USP34: variants seen among roughly 807,000 people sequenced by gnomAD.
USP34 encodes ubiquitin carboxyl-terminal hydrolase 34.
USP34 carries 70 observed loss-of-function variants against 460.3 expected under a neutral mutation model. The observed-to-expected ratio is 0.15, with a 90% CI of 0.13 to 0.19. The LOEUF is 0.19. USP34 is among the 10% of genes least tolerant of loss of function. The probability of loss-of-function intolerance (pLI) is 1.00; values close to 1 mark genes in which losing one functional copy is unlikely to be tolerated. For missense variants in USP34, 3,985 were observed against 4,236.2 expected (o/e 0.94, Z 1.65); for synonymous variants, 1,647 against 1,405.3 (o/e 1.17, Z -3.85).
intron 8 of USP34, among the ~76,000 whole-genome samples, chr2:61,371,354 T>C (rs1692618666): frequency 6.6e-6 from 1 of 152,106 alleles, no homozygotes; most frequent in Non-Finnish European, 1.5e-5. Flanking sequence ...TATTATACTT[T>C]TCATCTTTAA....
chr2:61,337,615 T>C (rs1027047874), intron 18 of USP34, among the ~76,000 whole-genome samples: 2 of 152,024 alleles, frequency 1.3e-5, no homozygotes, highest in African/African-American at 4.8e-5. Context: ...CCACCACATC[T>C]GGATACTTTT....
At chr2:61,337,376 A>G (rs752028129) in intron 18 of USP34, among the ~76,000 whole-genome samples, 10 of 149,466 alleles carry the variant, frequency 6.7e-5, no homozygotes, top group Admixed American at 1.4e-4. Flanking sequence ...ATTTCAATGA[A>G]TAGTCCACAA....
intron 48 of USP34, among the ~76,000 whole-genome samples, chr2:61,255,142 T>C (rs1688691483): frequency 1.3e-5 from 2 of 152,214 alleles, no homozygotes; most frequent in South Asian, 4.1e-4. Context: ...CAATTTTTAT[T>C]TGAAGACCAC....
chr2:61,343,073 T>A (rs545062621), intron 16 of USP34, among the ~76,000 whole-genome samples: 1 of 152,232 alleles, frequency 6.6e-6, no homozygotes, highest in African/African-American at 2.4e-5. Flanking sequence ...TAAGTGTGTT[T>A]ATGGCCTCTT....
At chr2:61,217,904 G>A (rs760753987) in intron 67 of USP34, among the ~76,000 whole-genome samples, 50 of 152,026 alleles carry the variant, frequency 3.3e-4, no homozygotes, top group Non-Finnish European at 6.5e-4. Context: ...GCAGTGAGCC[G>A]AGATCACGCC....
intron 5 of USP34, among the ~76,000 whole-genome samples, chr2:61,388,614 G>A (rs1034953730): frequency 1.3e-5 from 2 of 152,038 alleles, no homozygotes; most frequent in East Asian, 1.9e-4. Flanking sequence ...AAATTAGCCA[G>A]GCATGGTGGT....
intron 26 of USP34, 27 bp downstream of exon 26, chr2:61,311,757 A>C (rs754645138): frequency 5.6e-6 from 9 of 1,610,864 alleles, no homozygotes; most frequent in South Asian, 2.2e-5. Flanking sequence ...AATGTTATCA[A>C]CTTCGAAATT....
chr2:61,365,355 G>C (rs1044005524), intron 10 of USP34, among the ~76,000 whole-genome samples: 3 of 151,554 alleles, frequency 2.0e-5, no homozygotes, highest in African/African-American at 4.9e-5. Flanking sequence ...ATGTATGTAT[G>C]CCTTCAAAAA....
intron 23 of USP34, among the ~76,000 whole-genome samples, chr2:61,317,420 C>T (rs1000044827): frequency 1.3e-5 from 2 of 151,880 alleles, no homozygotes; most frequent in African/African-American, 4.8e-5. Flanking sequence ...CCAGCTACTT[C>T]GGGGGCTGAG....
At chr2:61,367,227 A>G (rs958428583) in intron 10 of USP34, among the ~76,000 whole-genome samples, 5 of 152,272 alleles carry the variant, frequency 3.3e-5, no homozygotes, top group Non-Finnish European at 7.3e-5. Flanking sequence ...ACTCAAGTAC[A>G]GTTATGACTT....
chr2:61,228,035 A>C (rs1687780342), intron 61 of USP34, among the ~76,000 whole-genome samples: 1 of 152,254 alleles, frequency 6.6e-6, no homozygotes, highest in Non-Finnish European at 1.5e-5. Context: ...ATTACAAAAC[A>C]GTGTTTAAGA....
intron 1 of USP34, among the ~76,000 whole-genome samples, chr2:61,439,129 C>T (rs922123411): frequency 2.0e-5 from 3 of 152,100 alleles, no homozygotes; most frequent in Non-Finnish European, 2.9e-5. Context: ...GACCTAAAAA[C>T]AGCTGGGCAT....
intron 3 of USP34, among the ~76,000 whole-genome samples, chr2:61,401,193 T>A (rs1693708082): frequency 6.6e-6 from 1 of 150,960 alleles, no homozygotes. Context: ...CCTTCATGTA[T>A]ATATTTCATC....
At chr2:61,380,093 C>G in intron 7 of USP34, 76 bp downstream of exon 7, 2 of 1,321,984 alleles carry the variant, frequency 1.5e-6, no homozygotes, top group Non-Finnish European at 2.1e-6. Context: ...TGAAGTGCTC[C>G]ATAAATAGTG....
chr2:61,445,087 T>C lies in USP34; in HGVS notation c.44-24254A>G, dbSNP rs535225149. ...GCCAACTTGTAATTCATTATCCTAC[T>C]TCAGTGTTAGCCTAAAAATGAACTT... On this transcript the variant is annotated intron_variant, in intron 1 of 79. Transcript: ENST00000398571. Among the ~76,000 whole-genome samples the C allele has an allele frequency of 1.3e-4, 19 of 151,850 alleles. 1 individual carries two copies. In the South Asian group the frequency reaches 4.0e-3, roughly 32 times the overall value.
chr2:61,385,437 C>T (rs1157322697), intron 5 of USP34, among the ~76,000 whole-genome samples: 22 of 151,600 alleles, frequency 1.5e-4, no homozygotes, highest in African/African-American at 4.1e-4. Context: ...TTTGGGAGGC[C>T]GAGGCGGGCG....
chr2:61,310,251 G>A (rs1386140353), intron 27 of USP34, among the ~76,000 whole-genome samples: 2 of 151,998 alleles, frequency 1.3e-5, no homozygotes, highest in Non-Finnish European at 2.9e-5. Context: ...TCCATAATGA[G>A]GTATTTATCC....
intron 51 of USP34, among the ~76,000 whole-genome samples, chr2:61,244,378 G>A (rs947594724): frequency 2.7e-4 from 41 of 152,240 alleles, no homozygotes; most frequent in African/African-American, 9.9e-4. Flanking sequence ...CACTTCGGAG[G>A]CTGCAGTAGG....
At chr2:61,371,475 C>A (rs1692624570) in intron 8 of USP34, among the ~76,000 whole-genome samples, 1 of 146,900 alleles carries the variant, frequency 6.8e-6, no homozygotes, top group African/African-American at 2.5e-5. Flanking sequence ...AAACAGCTCA[C>A]AGAATAAGAA....
Sources: allele counts gnomAD v4.1 joint callset (sites outside exome capture counted in the v4.1 genomes callset), GRCh38; gene constraint gnomAD v4.1.1; transcripts MANE v1.5; gene names NCBI Gene and HGNC (gene_info 2026-07-23, HGNC 2026-07-21).